PCDH11X: variants seen among roughly 807,000 people sequenced by gnomAD.
PCDH11X encodes protocadherin-11 X-linked.
In PCDH11X, 18 loss-of-function variants were observed where a neutral mutation model predicts 53.3. The ratio of observed to expected loss-of-function variants is 0.34; its 90% CI spans 0.23 to 0.50. The LOEUF (loss-of-function observed/expected upper bound fraction) is 0.50. Among genes scored for constraint, PCDH11X ranks in the 20% least tolerant of loss-of-function variants. The probability of loss-of-function intolerance (pLI) is 0.98; values close to 1 mark genes in which losing one functional copy is unlikely to be tolerated. For missense variants in PCDH11X, 570 were observed against 1,032.4 expected (o/e 0.55, Z 6.14); for synonymous variants, 279 against 393.3 (o/e 0.71, Z 3.44).
rs1008663540 is a variant in PCDH11X, at chrX:92,030,896, C to T, written c.3033+151623C>T. On this transcript the variant is annotated intron_variant, in intron 6 of 10. Transcript: ENST00000682573. ...TTATCCATTCGTCTGTTGATGGACA[C>T]TTAGATTGCTTTCAAGTCTTGGCTA... Among the ~76,000 whole-genome samples the T allele has an allele frequency of 9.6e-5, 10 of 104,453 alleles. No homozygotes were observed. In the Admixed American group the frequency reaches 9.7e-4, roughly 10 times the overall value. The allele number at this position is 104,453 out of a possible 115,157, so 90.7% of individuals were successfully genotyped here. A position where few individuals can be genotyped will look rare whatever the true frequency, so the allele number is the denominator to read the frequency against.
intron 6 of PCDH11X, among the ~76,000 whole-genome samples, chrX:92,157,356 A>G (rs1476958563): frequency 1.8e-5 from 2 of 111,827 alleles, no homozygotes; most frequent in African/African-American, 6.5e-5. Context: ...ACAACTTACA[A>G]ATAGTGTATA....
chrX:92,551,476 G>A (rs1255935688), intron 10 of PCDH11X, among the ~76,000 whole-genome samples: 1 of 104,892 alleles, frequency 9.5e-6, no homozygotes, highest in Non-Finnish European at 2.0e-5. Flanking sequence ...TGTCAGATGG[G>A]TAGGTTGCAA....
chrX:92,228,043 A>G (rs1382597135), intron 7 of PCDH11X, among the ~76,000 whole-genome samples: 2 of 111,570 alleles, frequency 1.8e-5, no homozygotes, highest in East Asian at 5.6e-4. Flanking sequence ...AAGATCATCA[A>G]TTCCTTCAAG....
intron 6 of PCDH11X, among the ~76,000 whole-genome samples, chrX:92,006,474 C>G (rs1194313644): frequency 9.1e-6 from 1 of 109,610 alleles, no homozygotes; most frequent in Admixed American, 9.8e-5. Context: ...ATTTTAATCT[C>G]TTTGTTCAGT....
At chrX:92,147,802 TCTTC>T (rs200119243) in intron 6 of PCDH11X, among the ~76,000 whole-genome samples, 1,374 of 84,647 alleles carry the variant, frequency 0.016, 77 homozygotes, top group African/African-American at 0.064. Context: ...TCCTTTCTTT[TCTTC>T]CTTCCTTTCT....
At chrX:91,970,713 T>C (rs2061946264) in intron 6 of PCDH11X, among the ~76,000 whole-genome samples, 1 of 111,732 alleles carries the variant, frequency 8.9e-6, no homozygotes, top group African/African-American at 3.3e-5. Context: ...TAAAGTTAGT[T>C]CTGATGATTA....
chrX:92,478,714 T>G (rs1380956325), intron 10 of PCDH11X, among the ~76,000 whole-genome samples: 1 of 110,510 alleles, frequency 9.0e-6, no homozygotes, highest in African/African-American at 3.3e-5. Context: ...GCTTCCTAAT[T>G]TGATAGTGCA....
At chrX:92,151,427 C>T (rs894944200) in intron 6 of PCDH11X, among the ~76,000 whole-genome samples, 2 of 110,962 alleles carry the variant, frequency 1.8e-5, no homozygotes, top group African/African-American at 6.5e-5. Flanking sequence ...CTCCTGACCT[C>T]GTGATCCACC....
chrX:92,598,483 A>G (rs188923877), intron 10 of PCDH11X, among the ~76,000 whole-genome samples: 184 of 109,067 alleles, frequency 1.7e-3, no homozygotes, highest in African/African-American at 6.1e-3. Flanking sequence ...ATAAATGCAA[A>G]TAAAAACTAC....
chrX:91,814,573 A>C (rs753468762), intron 4 of PCDH11X, among the ~76,000 whole-genome samples: 186 of 94,883 alleles, frequency 2.0e-3, no homozygotes, highest in Middle Eastern at 5.1e-3. Context: ...ATTATATGAA[A>C]TATTCATTTG....
chrX:91,998,828 G>C (rs2062461759), intron 6 of PCDH11X, among the ~76,000 whole-genome samples: 1 of 111,307 alleles, frequency 9.0e-6, no homozygotes. Context: ...ACAGTAGTAA[G>C]CATTCAGTAC....
chrX:92,610,137 G>T (rs1251290048), intron 10 of PCDH11X, among the ~76,000 whole-genome samples: 7 of 111,536 alleles, frequency 6.3e-5, no homozygotes, highest in Admixed American at 2.8e-4. Flanking sequence ...TGGGTTGAAT[G>T]GTAATTCTGT....
At chrX:91,892,037 G>GTC (rs1372577394) in intron 6 of PCDH11X, among the ~76,000 whole-genome samples, 2 of 99,895 alleles carry the variant, frequency 2.0e-5, no homozygotes, top group South Asian at 1.0e-3. Context: ...GTGTGTGTGT[G>GTC]TGTGTGTGTT....
At chrX:92,563,635 C>T (rs1172156491) in intron 10 of PCDH11X, among the ~76,000 whole-genome samples, 2 of 111,745 alleles carry the variant, frequency 1.8e-5, no homozygotes, top group African/African-American at 6.5e-5. Flanking sequence ...GAAATAAAGA[C>T]ATTCCCAGAC....
intron 8 of PCDH11X, among the ~76,000 whole-genome samples, chrX:92,274,117 T>C (rs1322911064): frequency 2.0e-5 from 2 of 102,234 alleles, no homozygotes; most frequent in African/African-American, 7.6e-5. Context: ...TGGTGTCGAA[T>C]GAGACTGGGG....
At chrX:92,253,078 G>T (rs2067491299) in intron 7 of PCDH11X, among the ~76,000 whole-genome samples, 1 of 111,764 alleles carries the variant, frequency 8.9e-6, no homozygotes, top group Non-Finnish European at 1.9e-5. Context: ...ACAGGATAAA[G>T]AAGGAGTATT....
chrX:92,154,457 C>G, intron 6 of PCDH11X, among the ~76,000 whole-genome samples: 1 of 107,292 alleles, frequency 9.3e-6, no homozygotes, highest in East Asian at 3.0e-4. Flanking sequence ...CAGGGAAACT[C>G]TGCGTAGAGA....
intron 6 of PCDH11X, among the ~76,000 whole-genome samples, chrX:92,059,420 GGTCTA>G (rs1171087433): frequency 1.8e-5 from 2 of 110,806 alleles, no homozygotes; most frequent in Admixed American, 1.9e-4. Context: ...TGCAGACATA[GGTCTA>G]GTAATATTTT....
intron 6 of PCDH11X, among the ~76,000 whole-genome samples, chrX:92,023,874 C>G (rs1412384035): frequency 1.8e-5 from 2 of 110,097 alleles, no homozygotes; most frequent in African/African-American, 6.6e-5. Context: ...CACAAATCAA[C>G]AAACATAATC....
Sources: allele counts gnomAD v4.1 joint callset (sites outside exome capture counted in the v4.1 genomes callset), GRCh38; gene constraint gnomAD v4.1.1; transcripts MANE v1.5; gene names NCBI Gene and HGNC (gene_info 2026-07-23, HGNC 2026-07-21).